ENPP3: variants seen among roughly 807,000 people sequenced by gnomAD.
ENPP3 encodes the protein ectonucleotide pyrophosphatase/phosphodiesterase 3, also known as ectonucleotide pyrophosphatase/phosphodiesterase family member 3.
A neutral mutation model predicts 117.8 loss-of-function variants in ENPP3; 104 were observed. The ratio of observed to expected loss-of-function variants is 0.88; its 90% CI spans 0.75 to 1.04. The LOEUF (loss-of-function observed/expected upper bound fraction) is 1.04. ENPP3 is among the 50% of genes least tolerant of loss of function. The pLI, the probability that ENPP3 is intolerant of heterozygous loss-of-function variation, is 0.00. For synonymous variants in ENPP3, 380 were observed against 349.9 expected (o/e 1.09, Z -0.96); for missense variants, 1,026 against 1,051.9 (o/e 0.98, Z 0.34).
chr6:131,720,233 A>G, intron 16 of ENPP3, 59 bp from the exon 17 acceptor site: 4 of 1,074,520 alleles, frequency 3.7e-6, no homozygotes, highest in South Asian at 1.5e-5. Context: ...GTCTCTTCCT[A>G]TATTTGTTTT....
Position 131,652,838 on chromosome 6 carries a change from C to A in ENPP3, c.411C>A (p.Thr137=). 1 of 1,613,320 alleles carries A rather than the reference C, an allele frequency of 6.2e-7. No individual in the cohort carries two copies. The highest frequency in any genetic ancestry group is 8.5e-7 in the Non-Finnish European group (1 of 1,179,328). ...TGATCTTATGCTTTTCAGGAGAAAC[C>A]TCATGGCTGGAAGAAAACTGTGACA... ...ADYKSVCQGE[T]SWLEENCDTA... is the part of the protein sequence containing the mutation. Residue 137 remains threonine, a synonymous_variant, in exon 5 of 25, where the codon ACC becomes ACA. Transcript: ENST00000357639.
intron 20 of ENPP3, among the ~76,000 whole-genome samples, chr6:131,730,914 C>CA (rs528990087): frequency 0.16 from 15,420 of 97,962 alleles, 1,339 homozygotes; most frequent in East Asian, 0.46. Context: ...GACTCCATCT[C>CA]AAAAAAAAAA....
intron 16 of ENPP3, among the ~76,000 whole-genome samples, chr6:131,719,843 A>T (rs1447354874): frequency 1.3e-5 from 2 of 152,196 alleles, no homozygotes; most frequent in Non-Finnish European, 2.9e-5. Flanking sequence ...TGGAACAGGA[A>T]GTTAGACTTC....
At chr6:131,721,626 G>GA (rs915024882) in intron 17 of ENPP3, among the ~76,000 whole-genome samples, 1 of 149,248 alleles carries the variant, frequency 6.7e-6, no homozygotes, top group African/African-American at 2.6e-5. Context: ...TATTTTCATA[G>GA]AAAAAAATGA....
At chr6:131,706,602 G>A (rs1779643296) in intron 15 of ENPP3, among the ~76,000 whole-genome samples, 2 of 150,950 alleles carry the variant, frequency 1.3e-5, no homozygotes, top group South Asian at 4.2e-4. Flanking sequence ...TTATCAAGTG[G>A]ATGAAGTTTC....
intron 3 of ENPP3, 150 bp from the exon 4 acceptor site, chr6:131,652,392 C>T: frequency 7.4e-6 from 6 of 805,448 alleles, no homozygotes; most frequent in East Asian, 2.9e-5. Flanking sequence ...TGGTGGTTTG[C>T]CCCTCATTTG....
chr6:131,677,675 T>A (rs940877839), intron 10 of ENPP3, among the ~76,000 whole-genome samples, 193 bp from the exon 11 acceptor site: 1 of 151,952 alleles, frequency 6.6e-6, no homozygotes, highest in African/African-American at 2.4e-5. Context: ...TCTGGGAAGG[T>A]CTTATTTATT....
chr6:131,737,258 A>T (rs2114569672), intron 21 of ENPP3, 97 bp from the exon 22 acceptor site: 1 of 717,346 alleles, frequency 1.4e-6, no homozygotes, highest in East Asian at 2.7e-5. Flanking sequence ...TTGACTGTTA[A>T]TAAATTTATA....
At chr6:131,696,100 C>A (rs1251155755) in intron 15 of ENPP3, among the ~76,000 whole-genome samples, 3 of 152,128 alleles carry the variant, frequency 2.0e-5, no homozygotes, top group African/African-American at 7.2e-5. Flanking sequence ...TTTGTATAAT[C>A]CATTTTCATC....
At chr6:131,733,752 GC>G (rs1562480737) in intron 21 of ENPP3, 29 bp downstream of exon 21, 1 of 1,608,636 alleles carries the variant, frequency 6.2e-7, no homozygotes, top group Non-Finnish European at 8.5e-7. Context: ...TAGAGCAGTA[GC>G]TTAGAAAGCT....
intron 2 of ENPP3, among the ~76,000 whole-genome samples, chr6:131,647,976 C>A (rs566046721): frequency 5.9e-5 from 9 of 151,846 alleles, no homozygotes; most frequent in Admixed American, 3.9e-4. Flanking sequence ...TCATGTACTC[C>A]TTTTGCCTTT....
At chr6:131,666,979 AT>A in intron 6 of ENPP3, among the ~76,000 whole-genome samples, 1 of 152,102 alleles carries the variant, frequency 6.6e-6, no homozygotes, top group Non-Finnish European at 1.5e-5. Flanking sequence ...GCTAGGTCCC[AT>A]TGGTGTTCCA....
intron 2 of ENPP3, among the ~76,000 whole-genome samples, chr6:131,647,592 C>A (rs1778178013): frequency 1.3e-5 from 2 of 152,124 alleles, no homozygotes; most frequent in East Asian, 3.8e-4. Flanking sequence ...CCCACTCTAT[C>A]AATTCATGAC....
At chr6:131,671,756 C>T (rs1365154743) in intron 7 of ENPP3, among the ~76,000 whole-genome samples, 1 of 152,086 alleles carries the variant, frequency 6.6e-6, no homozygotes, top group Non-Finnish European at 1.5e-5. Flanking sequence ...AATGAATTCA[C>T]ACTGTCTACA....
chr6:131,669,779 C>T (rs1442547729), intron 6 of ENPP3, among the ~76,000 whole-genome samples: 1 of 151,856 alleles, frequency 6.6e-6, no homozygotes, highest in Non-Finnish European at 1.5e-5. Context: ...TGATATGGGG[C>T]CCTAGAAGTT....
chr6:131,647,745 G>A (rs1348249841), intron 2 of ENPP3, among the ~76,000 whole-genome samples: 1 of 151,932 alleles, frequency 6.6e-6, no homozygotes, highest in African/African-American at 2.4e-5. Context: ...TAATATTGGA[G>A]ATAAATATTT....
At chr6:131,717,350 G>GT (rs1779916848) in intron 15 of ENPP3, among the ~76,000 whole-genome samples, 1,054 of 52,126 alleles carry the variant, frequency 0.02, 7 homozygotes, top group Non-Finnish European at 0.023. Context: ...ACCCTGCGGG[G>GT]GGTGTGTGTG....
intron 6 of ENPP3, among the ~76,000 whole-genome samples, chr6:131,665,347 G>A (rs545139635): frequency 4.6e-5 from 7 of 152,112 alleles, no homozygotes; most frequent in Admixed American, 4.6e-4. Context: ...TTTTGGTAAA[G>A]AAATTGTCAG....
chr6:131,676,097 C>G (rs1315519130), intron 9 of ENPP3, among the ~76,000 whole-genome samples: 1 of 152,052 alleles, frequency 6.6e-6, no homozygotes, highest in Non-Finnish European at 1.5e-5. Flanking sequence ...GCTGTTCACC[C>G]TCCCTGAGAT....
Sources: gnomAD v4.1 joint callset for allele counts (sites outside exome capture counted in the v4.1 genomes callset) on GRCh38, gnomAD v4.1.1 for gene constraint, MANE v1.5 for transcripts, NCBI Gene and HGNC (gene_info 2026-07-23, HGNC 2026-07-21) for gene names.